Variants in RTEL1 observed in about 807,000 individuals in gnomAD.
RTEL1 encodes the protein regulator of telomere elongation helicase 1.
A neutral mutation model predicts 162.2 loss-of-function variants in RTEL1; 86 were observed. The ratio of observed to expected loss-of-function variants is 0.53; its 90% confidence interval spans 0.45 to 0.63. The LOEUF is 0.63. Among genes scored for constraint, RTEL1 ranks in the 30% least tolerant of loss-of-function variants. The pLI, the probability that RTEL1 is intolerant of heterozygous loss-of-function variation, is 0.00. For synonymous variants in RTEL1, 958 were observed against 717.9 expected, an observed-to-expected ratio of 1.33 and a Z score of -5.35; for missense variants, 1,941 against 1,750.2, an observed-to-expected ratio of 1.11 and a Z score of -1.95.
intron 30 of RTEL1, 74 bp from the exon 31 acceptor site, chr20:63,694,298 A>T: frequency 2.4e-6 from 2 of 845,286 alleles, no homozygotes; most frequent in Non-Finnish European, 4.0e-6. Context: ...CTCCCTAGCC[A>T]GCCCTGCCCC....
rs201351158 is a variant in RTEL1 at position 63,694,385 on chromosome 20, G to C, written c.3006G>C (p.Pro1002=). ...TCTCTTCATCAGGAAGAACGGCGCC[G>C]GATCCCAAGCTGACCGTGTCCACGG... is the stretch of plus-strand genomic sequence containing the variant. The part of the protein sequence containing the change: ...PVLDPTGRTA[P]DPKLTVSTAA... The change falls in exon 31 of 35, where the codon CCG becomes CCC. Residue 1002 remains proline (P), a synonymous_variant. Coordinates refer to ENST00000360203, the MANE Select transcript of RTEL1 (RefSeq NM_001283009.2). 1.3e-6 allele frequency: 2 copies of C among 1,575,082 alleles called. No homozygotes were observed. Among genetic ancestry groups the C allele is most frequent in the Non-Finnish European group, 1.7e-6 (2 of 1,155,756 alleles).
In RTEL1 at chr20:63,668,734, T is replaced by G. The variant is rs1227778489; in HGVS notation, c.699+1181T>G. Among the ~76,000 whole-genome samples the G allele has an allele frequency of 6.6e-6, 1 of 152,108 alleles. No individual in the cohort carries two copies. On this transcript the variant is annotated intron_variant, in intron 8 of 34. Coordinates refer to ENST00000360203, the MANE Select transcript of RTEL1 (RefSeq NM_001283009.2). The surrounding 1 kb of genome is among the most constrained non-coding windows in gnomAD (Gnocchi z 4.3). The stretch of plus-strand genomic sequence containing the variant: ...GCCCCTGGGAACCATCTGGAGAGCT[T>G]CTAACCCAACCAGGCCCCTCCCTGG...
rs2090178911 is a variant in RTEL1 at position 63,668,246 on chromosome 20, C to T, written c.699+693C>T. ...TTTACTTAGTGCAGGTGGGATCACA[C>T]GCCACGGGTCAATGGTTTGTGTGTT... On this transcript the variant is annotated intron_variant, in intron 8 of 34. Coordinates refer to ENST00000360203, the MANE Select transcript of RTEL1 (RefSeq NM_001283009.2). This position sits in a 1 kb window ranked among gnomAD's most constrained non-coding sequence, Gnocchi z 4.3. 6.6e-6 allele frequency among the ~76,000 whole-genome samples: 1 copy of T among 152,338 alleles called. No homozygotes were observed. The highest frequency in any genetic ancestry group is 1.9e-4 in the East Asian group (1 of 5,188).
rs1051680758 is a variant in RTEL1, at chr20:63,696,190, G to C, written c.*332G>C. On this transcript the variant is annotated 3_prime_UTR_variant, in exon 35 of 35. Coordinates refer to ENST00000360203, the MANE Select transcript of RTEL1 (RefSeq NM_001283009.2). Reference sequence around the variant, plus strand: ...GGAAGGAGGAGACCCCCGTGGGCACGTGTCCACTTTTAATCAGGGGACAGG... The same window carrying C: ...GGAAGGAGGAGACCCCCGTGGGCACCTGTCCACTTTTAATCAGGGGACAGG... 2.3e-6 allele frequency: 1 copy of C among 438,972 alleles called. No individual in the cohort carries two copies. The allele number at this position is 438,972 out of a possible 1,614,324, so 27.2% of individuals were successfully genotyped here.
chr20:63,666,110 G>C (rs999390387), intron 7 of RTEL1, 31 bp downstream of exon 7: 2 of 1,566,304 alleles, frequency 1.3e-6, no homozygotes, highest in Admixed American at 3.3e-5. Context: ...CACGACCACT[G>C]TCCTTCCATG....
At chr20:63,694,134 G>C (rs953734024) in intron 30 of RTEL1, among the ~76,000 whole-genome samples, 5 of 152,128 alleles carry the variant, frequency 3.3e-5, no homozygotes, top group Non-Finnish European at 7.4e-5. Context: ...CCTGCACCCA[G>C]CCTACGGCTC....
At chr20:63,673,789 C>A (rs573835008) in intron 9 of RTEL1, 151 bp from the exon 10 acceptor site, 12 of 795,434 alleles carry the variant, frequency 1.5e-5, no homozygotes, top group Non-Finnish European at 2.2e-5. Context: ...CATGTTTGGA[C>A]CTACTTGTGG....
At chr20:63,688,225 C>T (rs1395542512) in intron 19 of RTEL1, 46 bp downstream of exon 19, 3 of 1,609,756 alleles carry the variant, frequency 1.9e-6, no homozygotes, top group Non-Finnish European at 2.5e-6. Flanking sequence ...GGATCCTGGA[C>T]CCCTGCTCCC....
At chr20:63,660,469 A>G (rs1264582778) in intron 2 of RTEL1, among the ~76,000 whole-genome samples, 1 of 152,250 alleles carries the variant, frequency 6.6e-6, no homozygotes, top group African/African-American at 2.4e-5. Context: ...CATATTGTTA[A>G]CAAGGCACGT....
chr20:63,671,724 C>G (rs578195216), intron 8 of RTEL1, among the ~76,000 whole-genome samples: 134 of 151,444 alleles, frequency 8.8e-4, no homozygotes, highest in African/African-American at 2.9e-3. Flanking sequence ...ATCTCCTGAC[C>G]TCGTGATCCG....
chr20:63,686,171 C>T, intron 16 of RTEL1: 1 of 487,184 alleles, frequency 2.1e-6, no homozygotes, highest in South Asian at 2.1e-5. Flanking sequence ...TATGCCGAGG[C>T]CGTCAGCACA....
chr20:63,676,143 A>ACTGCAGCCTCCACCTC (rs1329987280), intron 10 of RTEL1, among the ~76,000 whole-genome samples: 1 of 151,952 alleles, frequency 6.6e-6, no homozygotes. Flanking sequence ...ATCACGGCTC[A>ACTGCAGCCTCCACCTC]CTGCAGCCTC....
At position 63,695,408 on chromosome 20, in the gene RTEL1, G is replaced by A; in HGVS notation, c.3580G>A (p.Gly1194Arg). The change falls in exon 34 of 35, where the codon GGG (glycine) becomes AGG (arginine). Residue 1194 changes from glycine to arginine, a missense_variant. Physicochemically the swap from Gly to Arg is moderately radical, Grantham distance 125 (BLOSUM62 -2). Coordinates refer to ENST00000360203, the MANE Select transcript of RTEL1 (RefSeq NM_001283009.2). ...TAGACAGAGGCCAGCAGGGACTGTG[G>A]GGGCGGGCGGTGAGGATGCAGGTCC... is the stretch of plus-strand genomic sequence containing the variant. ...FLRQRPAGTVGAGGEDAGPSQ... is the reference protein window; with the variant it reads ...FLRQRPAGTVRAGGEDAGPSQ... 1 of 1,559,714 alleles carries A rather than the reference G, an allele frequency of 6.4e-7. No homozygotes were observed. The highest frequency in any genetic ancestry group is 8.7e-7 in the Non-Finnish European group (1 of 1,152,070).
chr20:63,671,648 ATT>A (rs10717389), intron 8 of RTEL1, among the ~76,000 whole-genome samples: 227 of 140,592 alleles, frequency 1.6e-3, no homozygotes, highest in African/African-American at 4.2e-3. Context: ...CGCCTGGCTA[ATT>A]TTTTTTTTTT....
At chr20:63,673,020 C>T (rs1301608617) in intron 9 of RTEL1, among the ~76,000 whole-genome samples, 1 of 152,190 alleles carries the variant, frequency 6.6e-6, no homozygotes, top group Non-Finnish European at 1.5e-5. Flanking sequence ...TCGCTTGAAC[C>T]TTGGAGGCAG....
Position 63,695,341 on chromosome 20 carries a change from C to G in RTEL1, c.3513C>G (p.Ser1171=), listed in dbSNP as rs138738109. ...HRAPQPGPSR[S]EKTGKTQSKI... Reference sequence around the variant, plus strand: ...CTCTGTCTCCAGGCCCCTCACGGTCCGAGAAGACCGGGAAGACCCAGAGCA... The same window carrying G: ...CTCTGTCTCCAGGCCCCTCACGGTCGGAGAAGACCGGGAAGACCCAGAGCA... Residue 1171 remains serine (S), a synonymous_variant, in exon 34 of 35, where the codon TCC becomes TCG. Coordinates refer to ENST00000360203, the MANE Select transcript of RTEL1 (RefSeq NM_001283009.2). 1 of 1,554,046 alleles carries G rather than the reference C, an allele frequency of 6.4e-7. No individual in the cohort carries two copies. Among genetic ancestry groups the G allele is most frequent in the Non-Finnish European group, 8.7e-7 (1 of 1,149,838 alleles).
At chr20:63,686,673 G>C (rs79366983) in intron 16 of RTEL1, 1 of 152,572 alleles carries the variant, frequency 6.6e-6, no homozygotes, top group Non-Finnish European at 1.5e-5. Context: ...TGGCCGAGCC[G>C]GAAGGGAAGG....
chr20:63,690,114 A>C lies in RTEL1; in HGVS notation c.2169A>C (p.Gln723His). Residue 723 changes from glutamine (Q) to histidine (H), a missense_variant, in exon 25 of 35, where the codon CAA becomes CAC. Coordinates refer to ENST00000360203, the MANE Select transcript of RTEL1 (RefSeq NM_001283009.2). ...HRFAFADARA[Q>H]LPSWVRPHVR... ...TCGCCTTTGCCGACGCAAGAGCCCA[A>C]CTGCCCTCCTGGGTGCGTCCCCACG... is the stretch of plus-strand genomic sequence containing the variant. 1 of 1,612,212 alleles carries C rather than the reference A, an allele frequency of 6.2e-7. No homozygotes were observed. Among genetic ancestry groups the C allele is most frequent in the Non-Finnish European group, 8.5e-7 (1 of 1,179,818 alleles).
Position 63,693,492 on chromosome 20 carries a change from T to TCTA in RTEL1, c.2992+210_2992+211insTAC, listed in dbSNP as rs2090846392. On this transcript the variant is annotated intron_variant, in intron 30 of 34. Coordinates refer to ENST00000360203, the MANE Select transcript of RTEL1 (RefSeq NM_001283009.2). ...CTCCACCTCCACCTCCACCACCACCTCCACCTCCACCACCACCTCCTCCAC... is the reference window on the plus strand; with the variant it reads ...CTCCACCTCCACCTCCACCACCACCTCTACCACCTCCACCACCACCTCCTCCAC... Among the ~76,000 whole-genome samples the TCTA allele has an allele frequency of 4.6e-4, 2 of 4,334 alleles. 1 individual carries two copies. 2.8% of individuals were successfully genotyped at this position (4,334 alleles called of 152,430 possible).
Sources: gnomAD v4.1 joint callset for allele counts (sites outside exome capture counted in the v4.1 genomes callset) on GRCh38, gnomAD v4.1.1 for gene constraint, Gnocchi (gnomAD v3.1) non-coding constraint, MANE v1.5 for transcripts, NCBI Gene and HGNC (gene_info 2026-07-23, HGNC 2026-07-21) for gene names.